The following ARNT variants were observed in gnomAD, a reference collection of about 807,000 sequenced individuals.
ARNT encodes the protein class E basic helix-loop-helix protein 2.
Under a neutral mutation model 105.0 loss-of-function variants are expected in ARNT, and 30 were observed. That is an observed-to-expected ratio of 0.29 (90% CI 0.21 to 0.39). The LOEUF (loss-of-function observed/expected upper bound fraction) is 0.39, where lower values mean the gene tolerates loss of function less well. ARNT is among the 10% of genes least tolerant of loss of function. The pLI is 1.00. For synonymous variants in ARNT, 304 were observed against 344.0 expected (o/e 0.88, Z 1.29); for missense variants, 748 against 978.7 (o/e 0.76, Z 3.15).
chr1:150,834,481 A>T, intron 8 of ARNT, 57 bp downstream of exon 8: 1 of 1,542,134 alleles, frequency 6.5e-7, no homozygotes, highest in Non-Finnish European at 9.0e-7. Flanking sequence ...ACAGAAATAA[A>T]ACTCTCAGCT....
At chr1:150,851,887 A>C (rs1172307524) in intron 3 of ARNT, among the ~76,000 whole-genome samples, 1 of 152,078 alleles carries the variant, frequency 6.6e-6, no homozygotes, top group Non-Finnish European at 1.5e-5. Flanking sequence ...TAAAAAAATA[A>C]AAATACAAAA....
intron 20 of ARNT, 103 bp from the exon 21 acceptor site, chr1:150,813,441 A>G: frequency 8.2e-7 from 1 of 1,222,408 alleles, no homozygotes; most frequent in Non-Finnish European, 1.1e-6. Flanking sequence ...AATTTTACCT[A>G]GGATAACTCT....
intron 19 of ARNT, among the ~76,000 whole-genome samples, chr1:150,815,109 G>A (rs1029587362): frequency 6.6e-5 from 10 of 151,934 alleles, no homozygotes; most frequent in Non-Finnish European, 1.5e-4. Context: ...AATTGAGATC[G>A]TATTGCATAT....
chr1:150,833,637 G>A (rs1205969771), intron 8 of ARNT, among the ~76,000 whole-genome samples: 3 of 151,964 alleles, frequency 2.0e-5, no homozygotes, highest in African/African-American at 7.3e-5. Context: ...CCATTATATA[G>A]CCTGAACTTT....
intron 14 of ARNT, among the ~76,000 whole-genome samples, chr1:150,819,141 G>C (rs994538814): frequency 6.6e-6 from 1 of 151,986 alleles, no homozygotes; most frequent in African/African-American, 2.4e-5. Flanking sequence ...TCTTCAAGAG[G>C]TGGATTCAAG....
At chr1:150,815,863 C>A (rs202239181) in intron 19 of ARNT, among the ~76,000 whole-genome samples, 1,609 of 121,760 alleles carry the variant, frequency 0.013, no homozygotes, top group Admixed American at 0.015. Flanking sequence ...GACTCTGTCT[C>A]AAAAAAAAAA....
chr1:150,863,979 G>A (rs181124220), intron 1 of ARNT, among the ~76,000 whole-genome samples: 141 of 152,208 alleles, frequency 9.3e-4, no homozygotes, highest in Non-Finnish European at 1.2e-3. Context: ...GAATATCATT[G>A]AGTATACTTA....
chr1:150,834,834 T>C, intron 7 of ARNT, 194 bp from the exon 8 acceptor site: 1 of 519,076 alleles, frequency 1.9e-6, no homozygotes, highest in Non-Finnish European at 3.5e-6. Flanking sequence ...TGAATCTCAC[T>C]CTTAAGTTCA....
chr1:150,811,458 GCA>G lies in ARNT; in HGVS notation c.*561_*562del, dbSNP rs58630631. On this transcript the variant is annotated 3_prime_UTR_variant, in exon 22 of 22. Transcript: ENST00000358595. ...GAGTGAAATACAGAAGCATGTGTGC[GCA>G]CACACACACACACACACATACACAC... 55 of 228,866 alleles carry G rather than the reference GCA, an allele frequency of 2.4e-4. No homozygotes were observed. Among genetic ancestry groups the G allele is most frequent in the Admixed American group, 9.7e-4 (17 of 17,536 alleles). The allele number at this position is 228,866 out of a possible 1,614,324, so 14.2% of individuals were successfully genotyped here.
chr1:150,858,780 C>T (rs1445455685), intron 1 of ARNT, among the ~76,000 whole-genome samples: 1 of 151,664 alleles, frequency 6.6e-6, no homozygotes, highest in Non-Finnish European at 1.5e-5. Context: ...CACTACCACA[C>T]CCAGTTAATT....
chr1:150,810,177 C>T lies in ARNT; in HGVS notation c.*1844G>A, dbSNP rs924824122. 1.3e-5 allele frequency: 3 copies of T among 232,288 alleles called. No individual in the cohort carries two copies. Among genetic ancestry groups the T allele is most frequent in the Admixed American group, 5.6e-5 (1 of 17,720 alleles). The allele number at this position is 232,288 out of a possible 1,614,324, so 14.4% of individuals were successfully genotyped here. A position where few individuals can be genotyped will look rare whatever the true frequency, so the allele number is the denominator to read the frequency against. ...CCACTGTAAAGCTTAGCACAGATGCCAGCAATACAGAAATGGCCAACAAGA... is the reference window on the plus strand; with the variant it reads ...CCACTGTAAAGCTTAGCACAGATGCTAGCAATACAGAAATGGCCAACAAGA... On this transcript the variant is annotated 3_prime_UTR_variant, in exon 22 of 22. Transcript: ENST00000358595.
intron 1 of ARNT, among the ~76,000 whole-genome samples, chr1:150,859,534 C>A (rs980596060): frequency 6.8e-6 from 1 of 147,826 alleles, no homozygotes; most frequent in Admixed American, 6.8e-5. Flanking sequence ...CTTTTTTTTT[C>A]TTTGTAGAGA....
intron 3 of ARNT, among the ~76,000 whole-genome samples, chr1:150,849,372 G>T (rs1328170878): frequency 6.6e-6 from 1 of 152,196 alleles, no homozygotes; most frequent in Non-Finnish European, 1.5e-5. Context: ...GCAGATTGCG[G>T]TCAAAGTTCT....
At position 150,852,979 on chromosome 1, in the gene ARNT, G is replaced by A. The variant is rs1421423051; in HGVS notation, c.138-173C>T. 7.4e-6 allele frequency: 6 copies of A among 809,748 alleles called. No homozygotes were observed. In the East Asian group the frequency reaches 1.4e-4, roughly 18 times the overall value. 50.2% of individuals were successfully genotyped at this position (809,748 alleles called of 1,614,324 possible). A position where few individuals can be genotyped will look rare whatever the true frequency, so the allele number is the denominator to read the frequency against. ...CCTCTTGTTCATAGTCCCAAACTAG[G>A]CAAAGAAGTACAAAACTGGGGCCAG... On this transcript the variant is annotated intron_variant, in intron 2 of 21. Transcript: ENST00000358595.
At chr1:150,873,075 G>A (rs901702232) in intron 1 of ARNT, among the ~76,000 whole-genome samples, 2 of 151,942 alleles carry the variant, frequency 1.3e-5, no homozygotes, top group Non-Finnish European at 2.9e-5. Context: ...ACAAGGTCAG[G>A]AGATCGAGAC....
chr1:150,833,223 G>A (rs1035031531), intron 8 of ARNT, among the ~76,000 whole-genome samples: 2 of 152,194 alleles, frequency 1.3e-5, no homozygotes, highest in East Asian at 1.9e-4. Context: ...TAAATTACAC[G>A]CTGGGTGCAG....
chr1:150,847,821 C>A (rs144302610), intron 3 of ARNT, among the ~76,000 whole-genome samples: 23 of 152,318 alleles, frequency 1.5e-4, no homozygotes, highest in Admixed American at 5.2e-4. Flanking sequence ...CATTAAGTCT[C>A]AAGAGACCTC....
At chr1:150,823,521 T>C (rs1215353832) in intron 13 of ARNT, among the ~76,000 whole-genome samples, 176 bp from the exon 14 acceptor site, 1 of 151,902 alleles carries the variant, frequency 6.6e-6, no homozygotes, top group African/African-American at 2.4e-5. Context: ...CATGGAAGCA[T>C]ATTTCTCATG....
intron 2 of ARNT, among the ~76,000 whole-genome samples, chr1:150,857,202 C>T (rs1351049216): frequency 6.6e-6 from 1 of 152,180 alleles, no homozygotes; most frequent in Non-Finnish European, 1.5e-5. Context: ...CATCTTTCTA[C>T]ACTGAAACAT....
Sources: allele counts gnomAD v4.1 joint callset (sites outside exome capture counted in the v4.1 genomes callset), GRCh38; gene constraint gnomAD v4.1.1; transcripts MANE v1.5; gene names NCBI Gene and HGNC (gene_info 2026-07-23, HGNC 2026-07-21).